Variants in FSTL4 observed in about 807,000 individuals in gnomAD.
FSTL4 encodes the protein follistatin like 4, also known as follistatin-related protein 4.
A neutral mutation model predicts 78.2 loss-of-function variants in FSTL4; 28 were observed. The observed-to-expected ratio is 0.36, with a 90% CI of 0.27 to 0.49. The LOEUF (loss-of-function observed/expected upper bound fraction) is 0.49, where lower values mean the gene tolerates loss of function less well. Ranked by LOEUF, FSTL4 falls within the 20% of genes least tolerant of loss-of-function variation. The pLI, the probability that FSTL4 is intolerant of heterozygous loss-of-function variation, is 0.98. For synonymous variants in FSTL4, 422 were observed against 440.5 expected (o/e 0.96, Z 0.53); for missense variants, 922 against 1,084.9 (o/e 0.85, Z 2.11).
At chr5:133,552,984 T>G (rs148161160) in intron 3 of FSTL4, among the ~76,000 whole-genome samples, 3 of 152,216 alleles carry the variant, frequency 2.0e-5, no homozygotes, top group Admixed American at 2.0e-4. Flanking sequence ...ACTGTAGGGT[T>G]CAGGGCAAGC....
At chr5:133,614,025 G>T (rs1256037186), upstream of FSTL4, among the ~76,000 whole-genome samples, 3 of 152,196 alleles carry the variant, frequency 2.0e-5, no homozygotes, top group Non-Finnish European at 4.4e-5. Flanking sequence ...AAGAGAAAAT[G>T]AGTATAAAAG....
chr5:133,546,041 T>C (rs1759566616), intron 3 of FSTL4, among the ~76,000 whole-genome samples: 3 of 152,202 alleles, frequency 2.0e-5, no homozygotes, highest in African/African-American at 4.8e-5. Flanking sequence ...AATTAGAATA[T>C]ATGGTAGAAG....
the FSTL4 span, among the ~76,000 whole-genome samples, chr5:133,638,818 C>CT: frequency 0.28 from 42,608 of 151,630 alleles, 6,316 homozygotes; most frequent in Non-Finnish European, 0.31. Flanking sequence ...TTGTAAATTA[C>CT]TTTTTTTTCA....
chr5:133,233,270 G>A (rs1751549963), intron 8 of FSTL4, 147 bp downstream of exon 8: 12 of 914,810 alleles, frequency 1.3e-5, no homozygotes, highest in South Asian at 8.3e-5. Flanking sequence ...CTTTCCACAC[G>A]GTTCCCCTTT....
At chr5:133,825,959 G>A in the FSTL4 span, among the ~76,000 whole-genome samples, 9 of 152,228 alleles carry the variant, frequency 5.9e-5, no homozygotes, top group African/African-American at 1.2e-4. Context: ...CCTTGAGGTC[G>A]CCTGCCGGTG....
the FSTL4 span, among the ~76,000 whole-genome samples, chr5:133,753,685 G>GTGTT: frequency 8.2e-3 from 235 of 28,710 alleles, no homozygotes; most frequent in African/African-American, 0.035. Context: ...CATTTGTTCT[G>GTGTT]TGTGTGTGTG....
the FSTL4 span, among the ~76,000 whole-genome samples, chr5:133,708,401 T>C: frequency 6.6e-6 from 1 of 152,242 alleles, no homozygotes; most frequent in Admixed American, 6.5e-5. Flanking sequence ...GCTGCTATAC[T>C]AGGGCTACTC....
chr5:133,200,312 G>A (rs984883652), intron 15 of FSTL4, among the ~76,000 whole-genome samples: 2 of 152,268 alleles, frequency 1.3e-5, no homozygotes, highest in African/African-American at 4.8e-5. Context: ...CAGATGTCCT[G>A]TTAGTACCCT....
chr5:133,307,844 G>C (rs368291950), intron 6 of FSTL4, among the ~76,000 whole-genome samples: 2 of 150,254 alleles, frequency 1.3e-5, no homozygotes, highest in Non-Finnish European at 3.0e-5. Context: ...GCAGTGGTGC[G>C]ATCTCCACTC....
the FSTL4 span, among the ~76,000 whole-genome samples, chr5:133,805,515 G>A: frequency 6.6e-6 from 1 of 152,134 alleles, no homozygotes; most frequent in Admixed American, 6.5e-5. Context: ...GAGAGGATGG[G>A]GTTGTTTCCT....
At chr5:133,825,458 A>C in the FSTL4 span, among the ~76,000 whole-genome samples, 2 of 152,234 alleles carry the variant, frequency 1.3e-5, no homozygotes, top group African/African-American at 4.8e-5. Context: ...TTACCACTGC[A>C]TTGACCTTTG....
intron 3 of FSTL4, among the ~76,000 whole-genome samples, chr5:133,520,251 G>A (rs1160286962): frequency 1.3e-5 from 2 of 152,088 alleles, no homozygotes; most frequent in Non-Finnish European, 2.9e-5. Context: ...CAGGACACTG[G>A]AGGAGGTGCA....
chr5:133,765,148 G>A, the FSTL4 span, among the ~76,000 whole-genome samples: 1 of 152,238 alleles, frequency 6.6e-6, no homozygotes, highest in Non-Finnish European at 1.5e-5. Context: ...ACTTTGAAAT[G>A]TGCAAATTAT....
At chr5:133,516,202 G>A (rs1758849049) in intron 3 of FSTL4, among the ~76,000 whole-genome samples, 1 of 151,692 alleles carries the variant, frequency 6.6e-6, no homozygotes, top group African/African-American at 2.4e-5. Flanking sequence ...TTTGTTTCCT[G>A]GAAGGTCTAG....
At chr5:133,496,953 C>T (rs904558768) in intron 3 of FSTL4, among the ~76,000 whole-genome samples, 1 of 152,152 alleles carries the variant, frequency 6.6e-6, no homozygotes. Flanking sequence ...TTAGCCAGCC[C>T]TACCCCAATC....
chr5:133,732,568 C>G, the FSTL4 span, among the ~76,000 whole-genome samples: 1 of 152,200 alleles, frequency 6.6e-6, no homozygotes, highest in Non-Finnish European at 1.5e-5. Context: ...CCAGCGAAAA[C>G]TACCATCTCA....
chr5:133,760,644 A>G, the FSTL4 span, among the ~76,000 whole-genome samples: 1 of 152,172 alleles, frequency 6.6e-6, no homozygotes, highest in Non-Finnish European at 1.5e-5. Flanking sequence ...AATAAAAGCC[A>G]ACAACAAGTC....
intron 6 of FSTL4, among the ~76,000 whole-genome samples, chr5:133,278,763 C>T (rs1392094489): frequency 1.3e-5 from 2 of 152,192 alleles, no homozygotes; most frequent in African/African-American, 4.8e-5. Context: ...ATCTAGAAAA[C>T]GCCAGCCGCT....
intron 2 of FSTL4, among the ~76,000 whole-genome samples, chr5:133,570,385 C>T (rs1040597091): frequency 4.6e-5 from 7 of 152,058 alleles, no homozygotes; most frequent in East Asian, 1.9e-4. Flanking sequence ...TGCAGTGGCA[C>T]GATCTCGACT....
Sources: allele counts gnomAD v4.1 joint callset (sites outside exome capture counted in the v4.1 genomes callset), GRCh38; gene constraint gnomAD v4.1.1; transcripts MANE v1.5; gene names NCBI Gene and HGNC (gene_info 2026-07-23, HGNC 2026-07-21).